SNRPN: variants seen among roughly 807,000 people sequenced by gnomAD.
SNRPN encodes small nuclear ribonucleoprotein polypeptide N.
SNRPN carries 7 observed loss-of-function variants against 25.2 expected under a neutral mutation model. The observed-to-expected ratio is 0.28, with a 90% CI of 0.16 to 0.52. The LOEUF is 0.52. SNRPN is among the 20% of genes least tolerant of loss of function. The pLI is 0.96. For synonymous variants in SNRPN, 124 were observed against 110.6 expected, an observed-to-expected ratio of 1.12 and a Z score of -0.76; for missense variants, 196 against 322.5, an observed-to-expected ratio of 0.61 and a Z score of 3.00.
In SNRPN at chr15:24,971,618, A is replaced by G. The variant is rs543709518; in HGVS notation, c.-143-2693A>G. 1.4e-4 allele frequency among the ~76,000 whole-genome samples: 22 copies of G among 152,222 alleles called. No homozygotes were observed. The South Asian group carries it at 4.3e-3, about 30-fold the overall frequency. On this transcript the variant is annotated intron_variant, in intron 3 of 9. Coordinates refer to ENST00000390687, the MANE Select transcript of SNRPN (RefSeq NM_003097.6). ...TCTTTGGGCCATAACTCACATCCCT[A>G]GATGTGTTTCATACCTCTGGACCGC...
At chr15:24,838,039 A>AT (rs145070247) in intron 2 of SNRPN, among the ~76,000 whole-genome samples, 47,702 of 139,652 alleles carry the variant, frequency 0.34, 8,462 homozygotes, top group East Asian at 0.45. Flanking sequence ...TTATTTATTT[A>AT]TTTTTTTTTT....
At chr15:24,870,558 G>GTTTCACCATTTTGGCCAGGCTGGT (rs2054997829) in intron 1 of SNRPN, among the ~76,000 whole-genome samples, 1 of 151,892 alleles carries the variant, frequency 6.6e-6, no homozygotes, top group Non-Finnish European at 1.5e-5. Flanking sequence ...CAAGTTAGAG[G>GTTTCACCATTTTGGCCAGGCTGGT]CTACATGCAT....
upstream of SNRPN, chr15:24,954,950 T>G: frequency 6.5e-7 from 1 of 1,541,708 alleles, no homozygotes; most frequent in Non-Finnish European, 8.9e-7. Flanking sequence ...CAGGCGGGGA[T>G]GTGTGCGAAG....
chr15:24,885,218 C>G (rs1347884968), intron 1 of SNRPN, among the ~76,000 whole-genome samples: 1 of 152,106 alleles, frequency 6.6e-6, no homozygotes, highest in African/African-American at 2.4e-5. Flanking sequence ...GCACCGGTAG[C>G]CTAGGTATTG....
chr15:24,859,851 T>C (rs753333089), intron 1 of SNRPN, among the ~76,000 whole-genome samples: 1 of 152,210 alleles, frequency 6.6e-6, no homozygotes, highest in Non-Finnish European at 1.5e-5. Context: ...GATGTTGCCA[T>C]GGCATTTGTA....
intron 1 of SNRPN, among the ~76,000 whole-genome samples, chr15:24,829,320 C>G (rs750659416): frequency 6.6e-6 from 1 of 151,954 alleles, no homozygotes; most frequent in Non-Finnish European, 1.5e-5. Flanking sequence ...GCAAGGGAGG[C>G]CTCCAGGAGG....
At chr15:24,880,763 A>C (rs1462571377) in intron 1 of SNRPN, among the ~76,000 whole-genome samples, 1 of 148,522 alleles carries the variant, frequency 6.7e-6, no homozygotes, top group African/African-American at 2.6e-5. Context: ...TTTTTTTTTG[A>C]GACAGAGTCT....
At chr15:24,917,372 T>C (rs2059592652) in intron 2 of SNRPN, among the ~76,000 whole-genome samples, 1 of 152,216 alleles carries the variant, frequency 6.6e-6, no homozygotes, top group Non-Finnish European at 1.5e-5. Context: ...AGATGTTATG[T>C]TGTCTTAATT....
At chr15:24,939,964 A>G (rs1337994485) in intron 3 of SNRPN, among the ~76,000 whole-genome samples, 1 of 151,652 alleles carries the variant, frequency 6.6e-6, no homozygotes, top group African/African-American at 2.4e-5. Flanking sequence ...TAATTTTTGT[A>G]TTTTTATTAG....
At chr15:24,935,919 G>T (rs74467380) in intron 3 of SNRPN, among the ~76,000 whole-genome samples, 4,956 of 151,972 alleles carry the variant, frequency 0.033, 242 homozygotes, top group African/African-American at 0.11. Flanking sequence ...TTCAAGACCA[G>T]CCTGGCCAAC....
At chr15:24,834,751 C>CTATATATATATATA (rs796257838) in intron 2 of SNRPN, among the ~76,000 whole-genome samples, 11 of 60,950 alleles carry the variant, frequency 1.8e-4, no homozygotes, top group South Asian at 5.1e-4. Context: ...CTCTCTCTCT[C>CTATATATATATATA]TATATATATA....
intron 2 of SNRPN, among the ~76,000 whole-genome samples, chr15:24,966,467 G>A (rs903254188): frequency 2.0e-5 from 3 of 152,082 alleles, no homozygotes; most frequent in Non-Finnish European, 4.4e-5. Context: ...TGACAAGATT[G>A]AATCACTGGA....
chr15:24,956,218 GT>G, intron 1 of SNRPN, among the ~76,000 whole-genome samples: 1 of 152,058 alleles, frequency 6.6e-6, no homozygotes, highest in Non-Finnish European at 1.5e-5. Context: ...TTTTTTCATT[GT>G]TTCTCTCTGT....
chr15:24,864,411 T>G (rs2054356863), intron 1 of SNRPN, among the ~76,000 whole-genome samples: 1 of 142,448 alleles, frequency 7.0e-6, no homozygotes, highest in African/African-American at 2.6e-5. Flanking sequence ...TGGCGCAATC[T>G]CGGCTCGCTG....
chr15:24,864,339 C>CTTTTT (rs58622804), intron 1 of SNRPN, among the ~76,000 whole-genome samples: 80 of 117,002 alleles, frequency 6.8e-4, no homozygotes, highest in East Asian at 1.1e-3. Flanking sequence ...CTCTTCTTTT[C>CTTTTT]TTTTTTTTTT....
chr15:24,946,353 C>A (rs1209215038), intron 3 of SNRPN, among the ~76,000 whole-genome samples: 9 of 152,098 alleles, frequency 5.9e-5, no homozygotes, highest in African/African-American at 2.2e-4. Context: ...GCTGCAGTGA[C>A]CCATGATTGT....
chr15:24,908,863 C>A (rs2152015750), intron 2 of SNRPN: 2 of 599,130 alleles, frequency 3.3e-6, no homozygotes, highest in Middle Eastern at 4.7e-4. Flanking sequence ...TTTTCTTTTT[C>A]TTTTTTTTTG....
At chr15:24,910,429 G>C (rs2059139203) in intron 2 of SNRPN, among the ~76,000 whole-genome samples, 1 of 152,090 alleles carries the variant, frequency 6.6e-6, no homozygotes. Context: ...GCGGCAGTGA[G>C]CTATGATCGT....
Position 24,941,272 on chromosome 15 carries a change from C to T in SNRPN, c.-390-20842C>T, listed in dbSNP as rs144165840. Among the ~76,000 whole-genome samples the T allele has an allele frequency of 4.1e-3, 623 of 152,254 alleles. 3 individuals are homozygous for T. The highest frequency in any genetic ancestry group is 0.014 in the African/African-American group (599 of 41,544). On this transcript the variant is annotated intron_variant, in intron 3 of 11. Transcript: ENST00000400097. ...GATTATAGGCGTGAGCCACTGCACC[C>T]GGCCTAACAATGACATTTTATATAC...
Sources: allele counts gnomAD v4.1 joint callset (sites outside exome capture counted in the v4.1 genomes callset), GRCh38; gene constraint gnomAD v4.1.1; transcripts MANE v1.5; gene names NCBI Gene and HGNC (gene_info 2026-07-23, HGNC 2026-07-21).